Variants in WWOX observed in about 807,000 individuals in gnomAD.
WWOX encodes the protein WW domain containing oxidoreductase, also known as WW domain-containing oxidoreductase.
WWOX carries 69 observed loss-of-function variants against 46.2 expected under a neutral mutation model. The ratio of observed to expected loss-of-function variants is 1.49; its 90% CI spans 1.23 to 1.82. The LOEUF (loss-of-function observed/expected upper bound fraction) is 1.82. WWOX is among the 40% of genes most tolerant of loss of function. The pLI is 0.00. For missense variants in WWOX, 919 were observed against 542.6 expected, an observed-to-expected ratio of 1.69 and a Z score of -6.89; for synonymous variants, 359 against 202.6, an observed-to-expected ratio of 1.77 and a Z score of -6.56.
chr16:78,821,307 G>A (rs1040962466), intron 8 of WWOX, among the ~76,000 whole-genome samples: 1 of 152,148 alleles, frequency 6.6e-6, no homozygotes, highest in African/African-American at 2.4e-5. Context: ...TACACAGCTA[G>A]TTATGATGGA....
intron 8 of WWOX, among the ~76,000 whole-genome samples, chr16:78,509,709 T>A (rs4888814): frequency 7.9e-5 from 12 of 152,126 alleles, no homozygotes; most frequent in Admixed American, 4.6e-4. Flanking sequence ...CTGTTTTGTT[T>A]ATATTGTCTT....
chr16:78,641,109 G>C (rs953046479), intron 8 of WWOX, among the ~76,000 whole-genome samples: 2 of 152,146 alleles, frequency 1.3e-5, no homozygotes, highest in African/African-American at 4.8e-5. Context: ...AGAGAAGCAG[G>C]CTGTGGTTGT....
chr16:78,234,377 A>G (rs976588424), intron 5 of WWOX, among the ~76,000 whole-genome samples: 5 of 152,108 alleles, frequency 3.3e-5, no homozygotes, highest in Admixed American at 6.5e-5. Flanking sequence ...TCATATGAAT[A>G]TACTTGAGGG....
At position 78,881,135 on chromosome 16, in the gene WWOX, G is replaced by A. The variant is rs944412689; in HGVS notation, c.1057-330473G>A. ...GCCTCCCAAGGGAGCTGGGACCACAGGGGCACACCACCATGCCTGCCCAAT... is the reference window on the plus strand; with the variant it reads ...GCCTCCCAAGGGAGCTGGGACCACAAGGGCACACCACCATGCCTGCCCAAT... On this transcript the variant is annotated intron_variant, in intron 8 of 8. Transcript: ENST00000566780. 2.0e-5 allele frequency among the ~76,000 whole-genome samples: 3 copies of A among 151,976 alleles called. No homozygotes were observed. The South Asian group carries it at 6.2e-4, about 32-fold the overall frequency.
chr16:78,848,709 C>G (rs556744606), intron 8 of WWOX, among the ~76,000 whole-genome samples: 1 of 152,254 alleles, frequency 6.6e-6, no homozygotes, highest in South Asian at 2.1e-4. Flanking sequence ...CTGCTCTCCT[C>G]CTACCAACAG....
At chr16:78,442,974 T>A (rs1176366522) in intron 8 of WWOX, among the ~76,000 whole-genome samples, 1 of 151,440 alleles carries the variant, frequency 6.6e-6, no homozygotes, top group Non-Finnish European at 1.5e-5. Flanking sequence ...TACAAAAAAA[T>A]TAGCCAGGCG....
At chr16:79,060,390 A>G (rs16949472) in intron 8 of WWOX, among the ~76,000 whole-genome samples, 7,390 of 152,316 alleles carry the variant, frequency 0.049, 586 homozygotes, top group African/African-American at 0.16. Flanking sequence ...AAGGTTCTTG[A>G]AAACTGAAGT....
chr16:78,108,712 A>G (rs2032309057), intron 2 of WWOX, among the ~76,000 whole-genome samples: 1 of 152,146 alleles, frequency 6.6e-6, no homozygotes, highest in Non-Finnish European at 1.5e-5. Flanking sequence ...AAATGGCCAG[A>G]TGTGGTGGCT....
intron 8 of WWOX, among the ~76,000 whole-genome samples, chr16:78,997,302 A>G (rs994155435): frequency 3.9e-5 from 6 of 152,204 alleles, no homozygotes; most frequent in African/African-American, 7.2e-5. Flanking sequence ...CCTTAAAACC[A>G]TACCTATATC....
rs71137871 is a variant in WWOX at position 78,101,346 on chromosome 16, C to CTTTTTTTTTTTT, written c.107+1467_107+1478dup. Among the ~76,000 whole-genome samples the CTTTTTTTTTTTT allele has an allele frequency of 5.7e-4, 38 of 66,842 alleles. 7 individuals carry two copies. The highest frequency in any genetic ancestry group is 1.2e-3 in the African/African-American group (26 of 22,064). The allele number at this position is 66,842 out of a possible 152,430, so 43.9% of individuals were successfully genotyped here. A position where few individuals can be genotyped will look rare whatever the true frequency, so the allele number is the denominator to read the frequency against. On this transcript the variant is annotated intron_variant, in intron 1 of 8. Coordinates refer to ENST00000566780, the MANE Select transcript of WWOX (RefSeq NM_016373.4). Reference sequence around the variant, plus strand: ...ACAGGCGTGAGCTACCGCTCCCGGCCTTTTTTTTTTTTTTTTTAAAGACAG... The same window carrying CTTTTTTTTTTTT: ...ACAGGCGTGAGCTACCGCTCCCGGCCTTTTTTTTTTTTTTTTTTTTTTTTTTTTTAAAGACAG...
intron 8 of WWOX, among the ~76,000 whole-genome samples, chr16:78,576,924 A>G (rs1336592342): frequency 1.3e-5 from 2 of 152,168 alleles, no homozygotes; most frequent in Non-Finnish European, 2.9e-5. Context: ...CCATCTGCTC[A>G]CTTTTATATA....
chr16:78,364,795 C>A (rs576839684), intron 5 of WWOX, among the ~76,000 whole-genome samples: 3 of 152,304 alleles, frequency 2.0e-5, no homozygotes, highest in African/African-American at 7.2e-5. Flanking sequence ...AGTGTAGCAT[C>A]TGATTACAGA....
intron 8 of WWOX, among the ~76,000 whole-genome samples, chr16:79,127,419 T>G (rs2049781753): frequency 6.6e-6 from 1 of 152,218 alleles, no homozygotes; most frequent in South Asian, 2.1e-4. Context: ...TAGAGATGGT[T>G]CTAAATCAGC....
intron 4 of WWOX, among the ~76,000 whole-genome samples, chr16:78,121,908 G>T (rs965102215): frequency 2.0e-5 from 3 of 152,044 alleles, no homozygotes; most frequent in Non-Finnish European, 2.9e-5. Flanking sequence ...CAATCTGCTT[G>T]CCTCAACCTC....
chr16:78,766,401 C>T lies in WWOX; in HGVS notation c.1056+333649C>T, dbSNP rs529689871. On this transcript the variant is annotated intron_variant, in intron 8 of 8. Coordinates refer to ENST00000566780, the MANE Select transcript of WWOX (RefSeq NM_016373.4). ...CTTGAGGCTATGGCTTCAAAACCAG[C>T]CTGGGCAACACAGCAAGACCCCACG... is the stretch of plus-strand genomic sequence containing the variant. 9.2e-5 allele frequency among the ~76,000 whole-genome samples: 14 copies of T among 152,266 alleles called. No homozygotes were observed. In the South Asian group the frequency reaches 2.7e-3, roughly 29 times the overall value.
In WWOX at chr16:78,369,181, G is replaced by A. The variant is rs147032216; in HGVS notation, c.517-17679G>A. On this transcript the variant is annotated intron_variant, in intron 5 of 8. Transcript: ENST00000566780. ...GCATCATAGCTAATGTATGCTCAGG[G>A]CTTACTGTGTGCTAGACATTATTCT... Among the ~76,000 whole-genome samples, 258 of 152,116 alleles carry A rather than the reference G, an allele frequency of 1.7e-3. 3 individuals carry two copies. The highest frequency in any genetic ancestry group is 2.9e-3 in the Non-Finnish European group (200 of 68,010).
intron 5 of WWOX, among the ~76,000 whole-genome samples, chr16:78,302,812 T>C (rs778229364): frequency 5.9e-5 from 9 of 152,206 alleles, no homozygotes; most frequent in Non-Finnish European, 1.2e-4. Flanking sequence ...GAGTTTTAGG[T>C]ATTATGCAAT....
chr16:78,185,761 G>A (rs1169655317), intron 5 of WWOX, among the ~76,000 whole-genome samples: 1 of 152,120 alleles, frequency 6.6e-6, no homozygotes, highest in Non-Finnish European at 1.5e-5. Flanking sequence ...CCATCTCCCA[G>A]GTTCAAGTGA....
In WWOX at chr16:78,349,178, G is replaced by GCA. The variant is rs2081145161; in HGVS notation, c.517-37681_517-37680insAC. Among the ~76,000 whole-genome samples the GCA allele has an allele frequency of 1.7e-5, 2 of 119,738 alleles. 1 individual carries two copies. The highest frequency in any genetic ancestry group is 5.7e-5 in the African/African-American group (2 of 35,156). 78.6% of individuals were successfully genotyped at this position (119,738 alleles called of 152,430 possible). A position where few individuals can be genotyped will look rare whatever the true frequency, so the allele number is the denominator to read the frequency against. On this transcript the variant is annotated intron_variant, in intron 5 of 8. Coordinates refer to ENST00000566780, the MANE Select transcript of WWOX (RefSeq NM_016373.4). ...CACCGTGTTCTCACGTGACCTAGCCGCTGTGTGCACGCATCCCTGGTTTCT... is the reference window on the plus strand; with the variant it reads ...CACCGTGTTCTCACGTGACCTAGCCGCACTGTGTGCACGCATCCCTGGTTTCT...
Sources: allele counts gnomAD v4.1 joint callset (sites outside exome capture counted in the v4.1 genomes callset), GRCh38; gene constraint gnomAD v4.1.1; transcripts MANE v1.5; gene names NCBI Gene and HGNC (gene_info 2026-07-23, HGNC 2026-07-21).